The following CLIP2 variants were observed in gnomAD, a reference collection of about 807,000 sequenced individuals.
The protein encoded by CLIP2 is CAP-Gly domain-containing linker protein 2.
A neutral mutation model predicts 111.7 loss-of-function variants in CLIP2; 41 were observed. The observed-to-expected ratio is 0.37, with a 90% CI of 0.29 to 0.48. The LOEUF is 0.48. CLIP2 is among the 20% of genes least tolerant of loss of function. The pLI is 0.99. For synonymous variants in CLIP2, 660 were observed against 644.2 expected, an observed-to-expected ratio of 1.02 and a Z score of -0.37; for missense variants, 1,160 against 1,422.1, an observed-to-expected ratio of 0.82 and a Z score of 2.96.
intron 13 of CLIP2, among the ~76,000 whole-genome samples, chr7:74,394,973 T>C (rs3857667): frequency 0.5 from 76,152 of 151,920 alleles, 19,137 homozygotes; most frequent in Middle Eastern, 0.57. Context: ...GATAGAACTT[T>C]CTGGAGTTTT....
chr7:74,397,062 C>T lies in CLIP2; in HGVS notation c.2721-12C>T, dbSNP rs1791471458. On this transcript the variant is annotated splice_polypyrimidine_tract_variant and intron_variant, in intron 13 of 16. Coordinates refer to ENST00000223398, the MANE Select transcript of CLIP2 (RefSeq NM_003388.5). ...GCTGAGTGCAGTGGTTCTGTGCCCG[C>T]CTCACCCCCAGGAGCCTGAACGAAC... 4 of 1,612,742 alleles carry T rather than the reference C, an allele frequency of 2.5e-6. No individual in the cohort carries two copies. The highest frequency in any genetic ancestry group is 1.1e-5 in the South Asian group (1 of 90,968).
intron 8 of CLIP2, among the ~76,000 whole-genome samples, chr7:74,367,687 A>C (rs1307567802): frequency 6.6e-6 from 1 of 152,112 alleles, no homozygotes; most frequent in Non-Finnish European, 1.5e-5. Context: ...TCAACCCAGG[A>C]CCACAGCCCA....
chr7:74,343,266 T>C (rs1789710731), intron 3 of CLIP2, among the ~76,000 whole-genome samples: 1 of 151,846 alleles, frequency 6.6e-6, no homozygotes, highest in African/African-American at 2.4e-5. Flanking sequence ...CCTGGACCCC[T>C]GCACCATCCT....
chr7:74,305,471 C>G (rs1027522663), intron 1 of CLIP2, among the ~76,000 whole-genome samples: 5 of 151,940 alleles, frequency 3.3e-5, no homozygotes, highest in Non-Finnish European at 5.9e-5. Context: ...CCCTCTCTGT[C>G]CCAGATCAGG....
chr7:74,379,996 A>G (rs1790897612), intron 10 of CLIP2: 1 of 152,180 alleles, frequency 6.6e-6, no homozygotes, highest in Non-Finnish European at 1.5e-5. Context: ...ACTGCATCGT[A>G]TATAAATTAT....
chr7:74,383,162 A>G lies in CLIP2; in HGVS notation c.2479+2299A>G, dbSNP rs147902944. ...GTTTCTTCTGGTACTTTTCTGTCCTATTTTCTATGCTGAAATCTCTGATCC... is the reference window on the plus strand; with the variant it reads ...GTTTCTTCTGGTACTTTTCTGTCCTGTTTTCTATGCTGAAATCTCTGATCC... On this transcript the variant is annotated intron_variant, in intron 11 of 16. Coordinates refer to ENST00000223398, the MANE Select transcript of CLIP2 (RefSeq NM_003388.5). Among the ~76,000 whole-genome samples, 205 of 150,662 alleles carry G rather than the reference A, an allele frequency of 1.4e-3. 1 individual carries two copies. The highest frequency in any genetic ancestry group is 4.7e-3 in the African/African-American group (194 of 41,040).
intron 3 of CLIP2, among the ~76,000 whole-genome samples, chr7:74,348,949 C>T (rs1218241102): frequency 6.9e-6 from 1 of 145,028 alleles, no homozygotes; most frequent in African/African-American, 2.6e-5. Context: ...GAGTTTGAGA[C>T]CAGCCTGGGC....
intron 1 of CLIP2, among the ~76,000 whole-genome samples, chr7:74,294,422 T>C (rs1385960316): frequency 1.3e-5 from 2 of 152,242 alleles, no homozygotes; most frequent in Non-Finnish European, 2.9e-5. Flanking sequence ...CCTTCTCTAC[T>C]TAACGGCTTC....
chr7:74,331,506 G>A (rs1789276966), intron 2 of CLIP2, among the ~76,000 whole-genome samples: 1 of 151,262 alleles, frequency 6.6e-6, no homozygotes, highest in South Asian at 2.1e-4. Context: ...GAGCAAGAGG[G>A]GATCAATTTG....
intron 2 of CLIP2, among the ~76,000 whole-genome samples, chr7:74,329,909 A>G (rs1043550566): frequency 2.0e-5 from 3 of 151,948 alleles, no homozygotes; most frequent in Admixed American, 6.6e-5. Flanking sequence ...CCTCCCGAGT[A>G]GCTGGGATTA....
intron 2 of CLIP2, among the ~76,000 whole-genome samples, chr7:74,336,310 C>T (rs761018951): frequency 3.9e-5 from 6 of 152,056 alleles, no homozygotes; most frequent in South Asian, 2.1e-4. Flanking sequence ...TCAAGTGATC[C>T]GCCCACCTTG....
At chr7:74,300,110 C>G (rs1287334838) in intron 1 of CLIP2, among the ~76,000 whole-genome samples, 1 of 152,062 alleles carries the variant, frequency 6.6e-6, no homozygotes. Context: ...CCTCAGCCTC[C>G]CTGGTAGCTG....
chr7:74,291,008 G>T (rs1157752764), intron 1 of CLIP2, among the ~76,000 whole-genome samples: 3 of 152,204 alleles, frequency 2.0e-5, no homozygotes, highest in Non-Finnish European at 4.4e-5. Flanking sequence ...GTTGCCTGAA[G>T]GGGGTTTCGT....
rs1791705155 is a variant in CLIP2, at chr7:74,404,262, A to AG, written c.*419dup. 4.7e-6 allele frequency: 1 copy of AG among 211,578 alleles called. No homozygotes were observed. Among genetic ancestry groups the AG allele is most frequent in the Admixed American group, 5.0e-5 (1 of 19,832 alleles). 13.1% of individuals were successfully genotyped at this position (211,578 alleles called of 1,614,324 possible). On this transcript the variant is annotated 3_prime_UTR_variant, in exon 17 of 17. Transcript: ENST00000223398. The stretch of plus-strand genomic sequence containing the variant: ...CCAGAGGGGCCGGCGGGGGCTGGGG[A>AG]GGGGGTAAGTTTATCCATGCAGACA...
intron 8 of CLIP2, among the ~76,000 whole-genome samples, chr7:74,365,825 G>A (rs1790460639): frequency 6.6e-6 from 1 of 152,056 alleles, no homozygotes; most frequent in Non-Finnish European, 1.5e-5. Flanking sequence ...CACCATCTGG[G>A]CTCACTGAAG....
At chr7:74,329,349 TGATGCTATATTAA>T (rs1379100919) in intron 2 of CLIP2, among the ~76,000 whole-genome samples, 2 of 152,120 alleles carry the variant, frequency 1.3e-5, no homozygotes, top group Admixed American at 1.3e-4. Flanking sequence ...CCGGCCAGCA[TGATGCTATATTAA>T]GAGCACCTCT....
intron 1 of CLIP2, among the ~76,000 whole-genome samples, chr7:74,300,616 C>T (rs563656151): frequency 1.2e-4 from 19 of 152,124 alleles, no homozygotes; most frequent in South Asian, 4.2e-4. Context: ...CCACCACGCC[C>T]GGCTAATTTT....
Position 74,380,956 on chromosome 7 carries a change from T to A in CLIP2, c.2479+93T>A, listed in dbSNP as rs782314199. The A allele has an allele frequency of 8.7e-6, 11 of 1,267,304 alleles. No homozygotes were observed. The Admixed American group carries it at 1.2e-4, about 14-fold the overall frequency. The allele number at this position is 1,267,304 out of a possible 1,614,324, so 78.5% of individuals were successfully genotyped here. The stretch of plus-strand genomic sequence containing the variant: ...CTGGGTCACATTTTGGTTTGCATCA[T>A]CTGCCATTTGGTAAGAGTCACCTCC... On this transcript the variant is annotated intron_variant, in intron 11 of 16. Transcript: ENST00000223398.
Position 74,338,880 on chromosome 7 carries a change from T to C in CLIP2, c.554T>C (p.Ile185Thr). 6.2e-7 allele frequency: 1 copy of C among 1,606,578 alleles called. No individual in the cohort carries two copies. ...ACGCCCCCGCTGACCAGCCGCGTCA[T>C]CCCCCTGCGGGAGAGCGTCCTCAAC... ...TATPPLTSRV[I>T]PLRESVLNSS... The change falls in exon 3 of 17, where the codon ATC becomes ACC. Residue 185 changes from isoleucine (I) to threonine (T), a missense_variant. By Grantham distance (89) the Ile-to-Thr change is moderately conservative. Transcript: ENST00000223398. The surrounding 1 kb of genome is among the most constrained non-coding windows in gnomAD (Gnocchi z 4.3).
Sources: gnomAD v4.1 joint callset for allele counts (sites outside exome capture counted in the v4.1 genomes callset) on GRCh38, gnomAD v4.1.1 for gene constraint, Gnocchi (gnomAD v3.1) non-coding constraint, MANE v1.5 for transcripts, NCBI Gene and HGNC (gene_info 2026-07-23, HGNC 2026-07-21) for gene names.